The following OR10K1 variants were observed in gnomAD, a reference collection of about 807,000 sequenced individuals.
OR10K1 encodes the protein olfactory receptor family 10 subfamily K member 1, also known as olfactory receptor 10K1.
For missense variants in OR10K1, 404 were observed against 373.3 expected, an observed-to-expected ratio of 1.08 and a Z score of -0.68; for synonymous variants, 186 against 152.5, an observed-to-expected ratio of 1.22 and a Z score of -1.62.
At chr1:158,464,274 G>A (rs944398536) in intron 1 of OR10K1, among the ~76,000 whole-genome samples, 17 of 152,088 alleles carry the variant, frequency 1.1e-4, no homozygotes, top group African/African-American at 3.9e-4. Flanking sequence ...AAAAAATTAG[G>A]CCTAAGATGA....
chr1:158,463,626 T>C (rs1655972341), intron 1 of OR10K1, among the ~76,000 whole-genome samples: 1 of 152,126 alleles, frequency 6.6e-6, no homozygotes, highest in Non-Finnish European at 1.5e-5. Flanking sequence ...CTAGTGGCGG[T>C]TAAAGGTTGA....
Position 158,465,750 on chromosome 1 carries a change from T to C in OR10K1, c.189T>C (p.Leu63=), listed in dbSNP as rs776949768. The C allele has an allele frequency of 6.8e-6, 11 of 1,614,228 alleles. No individual in the cohort carries two copies. The highest frequency in any genetic ancestry group is 9.3e-6 in the Non-Finnish European group (11 of 1,180,038). ...RALHTPMYFF[L]AILSCSEICY... ...TTCATACTCCCATGTACTTCTTCCT[T>C]GCCATCCTTTCTTGCTCTGAGATTT... The change falls in exon 2 of 2, where the codon CTT becomes CTC. Residue 63 remains leucine, a synonymous_variant. Transcript: ENST00000641535.
At chr1:158,462,708 T>C (rs1372519750) in intron 1 of OR10K1, among the ~76,000 whole-genome samples, 2 of 152,218 alleles carry the variant, frequency 1.3e-5, no homozygotes, top group East Asian at 3.8e-4. Flanking sequence ...ATTGATGTTT[T>C]CCTTAAAATA....
Position 158,465,736 on chromosome 1 carries a change from A to T in OR10K1, c.175A>T (p.Met59Leu). 6.2e-7 allele frequency: 1 copy of T among 1,614,082 alleles called. No homozygotes were observed. Among genetic ancestry groups the T allele is most frequent in the Non-Finnish European group, 8.5e-7 (1 of 1,180,008 alleles). ...GCTGGACAGAGCCCTTCATACTCCC[A>T]TGTACTTCTTCCTTGCCATCCTTTC... ...IVLDRALHTP[M>L]YFFLAILSCS... is the part of the protein sequence containing the mutation. Residue 59 changes from methionine to leucine, a missense_variant, in exon 2 of 2, where the codon ATG (methionine) becomes TTG (leucine). Coordinates refer to ENST00000641535, the MANE Select transcript of OR10K1 (RefSeq NM_001004473.2).
chr1:158,462,050 TG>T (rs1239195012), intron 1 of OR10K1, 146 bp downstream of exon 1: 1 of 152,180 alleles, frequency 6.6e-6, no homozygotes. Context: ...GAGGACAAGA[TG>T]GGTGAATCAC....
At position 158,465,621 on chromosome 1, in the gene OR10K1, G is replaced by A; in HGVS notation, c.60G>A (p.Leu20=). The change falls in exon 2 of 2, where the codon CTG becomes CTA. Residue 20 remains leucine, a synonymous_variant. Transcript: ENST00000641535. ...TCGTCGTCCTCGGCTTCTCATCCCTGGCCAGGCTGCAGCAGCTGCTCTTTG... is the reference window on the plus strand; with the variant it reads ...TCGTCGTCCTCGGCTTCTCATCCCTAGCCAGGCTGCAGCAGCTGCTCTTTG... ...REFVVLGFSS[L]ARLQQLLFVI... is the part of the protein sequence containing the mutation. 1 of 1,614,040 alleles carries A rather than the reference G, an allele frequency of 6.2e-7. No homozygotes were observed. Among genetic ancestry groups the A allele is most frequent in the Non-Finnish European group, 8.5e-7 (1 of 1,180,004 alleles).
rs758333231 is a variant in OR10K1, at chr1:158,465,946, C to G, written c.385C>G (p.Pro129Ala). The change falls in exon 2 of 2, where the codon CCA becomes GCA. Residue 129 changes from proline to alanine, a missense_variant. By Grantham distance (27) the Pro-to-Ala change is conservative. Transcript: ENST00000641535. Reference sequence around the variant, plus strand: ...TGATCGCTATATGGCCATCTGTAACCCACTGCGCTACTCAGTGCTCATGGG... The same window carrying G: ...TGATCGCTATATGGCCATCTGTAACGCACTGCGCTACTCAGTGCTCATGGG... ...GYDRYMAICN[P>A]LRYSVLMGHG... The G allele has an allele frequency of 3.1e-6, 5 of 1,614,158 alleles. No homozygotes were observed. The Admixed American group carries it at 8.3e-5, about 27-fold the overall frequency.
chr1:158,465,081 C>G (rs931279153), intron 1 of OR10K1, among the ~76,000 whole-genome samples: 2 of 152,190 alleles, frequency 1.3e-5, no homozygotes, highest in East Asian at 3.9e-4. Context: ...TACTTAGAGA[C>G]CATGGAATAC....
chr1:158,466,726 A>C lies in OR10K1; in HGVS notation c.*223A>C. 2 of 521,028 alleles carry C rather than the reference A, an allele frequency of 3.8e-6. No individual in the cohort carries two copies. The highest frequency in any genetic ancestry group is 5.0e-5 in the South Asian group (2 of 39,838). 32.3% of individuals were successfully genotyped at this position (521,028 alleles called of 1,614,324 possible). Reference sequence around the variant, plus strand: ...AACAGAGCACACAGTTCCATAACAAATTTAATTATATTTTACTGCTTTAAA... The same window carrying C: ...AACAGAGCACACAGTTCCATAACAACTTTAATTATATTTTACTGCTTTAAA... On this transcript the variant is annotated 3_prime_UTR_variant, in exon 2 of 2. Coordinates refer to ENST00000641535, the MANE Select transcript of OR10K1 (RefSeq NM_001004473.2).
At chr1:158,462,296 T>A (rs926957112) in intron 1 of OR10K1, among the ~76,000 whole-genome samples, 1 of 151,136 alleles carries the variant, frequency 6.6e-6, no homozygotes, top group African/African-American at 2.4e-5. Context: ...AAAAAAAAAT[T>A]ATCTGAATTG....
intron 1 of OR10K1, among the ~76,000 whole-genome samples, chr1:158,462,959 T>G (rs1655955420): frequency 6.6e-6 from 1 of 152,190 alleles, no homozygotes; most frequent in African/African-American, 2.4e-5. Context: ...ATCATCTAAC[T>G]AGAGAGTCTT....
intron 1 of OR10K1, among the ~76,000 whole-genome samples, chr1:158,463,296 A>T (rs1655964161): frequency 6.6e-6 from 1 of 152,200 alleles, no homozygotes; most frequent in Admixed American, 6.5e-5. Context: ...TCTTTCTATC[A>T]GTACAGATGA....
At chr1:158,464,205 G>T (rs2157688) in intron 1 of OR10K1, among the ~76,000 whole-genome samples, 1 of 152,174 alleles carries the variant, frequency 6.6e-6, no homozygotes, top group Non-Finnish European at 1.5e-5. Context: ...GGATGATTTT[G>T]TATCCAGATA....
Position 158,465,840 on chromosome 1 carries a change from T to C in OR10K1, c.279T>C (p.Ser93=). ...TGCTGTCCCAGAAGAAGACCATTTC[T>C]TTCCTGGGCTGTGCCATCCAAATGT... is the stretch of plus-strand genomic sequence containing the variant. ...VDLLSQKKTI[S]FLGCAIQMFS... Residue 93 remains serine, a synonymous_variant, in exon 2 of 2, where the codon TCT becomes TCC. Transcript: ENST00000641535. 6.2e-7 allele frequency: 1 copy of C among 1,614,252 alleles called. No homozygotes were observed. The highest frequency in any genetic ancestry group is 8.5e-7 in the Non-Finnish European group (1 of 1,180,046).
Position 158,465,295 on chromosome 1 carries a change from G to C in OR10K1, c.-156-111G>C, listed in dbSNP as rs549908089. ...TGTTACATAAGAAGGAAAACTATTA[G>C]CAAATTTCCTAATCCTTGGTCAGAG... On this transcript the variant is annotated intron_variant, in intron 1 of 1. Transcript: ENST00000641535. 3 of 494,202 alleles carry C rather than the reference G, an allele frequency of 6.1e-6. No homozygotes were observed. In the East Asian group the frequency reaches 1.0e-4, roughly 17 times the overall value. The allele number at this position is 494,202 out of a possible 1,614,324, so 30.6% of individuals were successfully genotyped here.
intron 1 of OR10K1, among the ~76,000 whole-genome samples, chr1:158,463,547 C>T (rs1451676086): frequency 6.6e-6 from 1 of 152,200 alleles, no homozygotes; most frequent in African/African-American, 2.4e-5. Flanking sequence ...GATACAGGTA[C>T]TCCTTCAGAA....
Position 158,465,897 on chromosome 1 carries a change from C to T in OR10K1, c.336C>T (p.Ser112=), listed in dbSNP as rs759978647. 6.2e-7 allele frequency: 1 copy of T among 1,614,170 alleles called. No individual in the cohort carries two copies. The highest frequency in any genetic ancestry group is 8.5e-7 in the Non-Finnish European group (1 of 1,180,032). Residue 112 remains serine (S), a synonymous_variant, in exon 2 of 2, where the codon TCC becomes TCT. Coordinates refer to ENST00000641535, the MANE Select transcript of OR10K1 (RefSeq NM_001004473.2). ...FSFLFFGSSH[S]FLLAAMGYDR... ...TCCTCTTCTTTGGCTCCTCTCACTC[C>T]TTCCTGCTGGCAGCCATGGGCTATG...
At chr1:158,464,206 T>C (rs1655986338) in intron 1 of OR10K1, among the ~76,000 whole-genome samples, 1 of 152,208 alleles carries the variant, frequency 6.6e-6, no homozygotes, top group South Asian at 2.1e-4. Context: ...GATGATTTTG[T>C]ATCCAGATAG....
At chr1:158,463,411 G>T (rs9651045) in intron 1 of OR10K1, among the ~76,000 whole-genome samples, 1 of 152,010 alleles carries the variant, frequency 6.6e-6, no homozygotes, top group Non-Finnish European at 1.5e-5. Context: ...CAATTATATC[G>T]ATCACATGAT....
Sources: gnomAD v4.1 joint callset for allele counts (sites outside exome capture counted in the v4.1 genomes callset) on GRCh38, gnomAD v4.1.1 for gene constraint, MANE v1.5 for transcripts, NCBI Gene and HGNC (gene_info 2026-07-23, HGNC 2026-07-21) for gene names.